The following DCLK1 variants were observed in gnomAD, a reference collection of about 807,000 sequenced individuals.
DCLK1 encodes the protein doublecortin like kinase 1.
A neutral mutation model predicts 86.2 loss-of-function variants in DCLK1; 16 were observed. The ratio of observed to expected loss-of-function variants is 0.19; its 90% CI spans 0.13 to 0.28. DCLK1 has a LOEUF of 0.28. Among genes scored for constraint, DCLK1 ranks in the 10% least tolerant of loss-of-function variants. The probability of loss-of-function intolerance (pLI) is 1.00; values close to 1 mark genes in which losing one functional copy is unlikely to be tolerated. For synonymous variants in DCLK1, 369 were observed against 370.5 expected (o/e 1.00, Z 0.05); for missense variants, 590 against 940.2 (o/e 0.63, Z 4.87).
intron 10 of DCLK1, among the ~76,000 whole-genome samples, 175 bp downstream of exon 10, chr13:35,827,460 A>C (rs1868570893): frequency 1.3e-5 from 2 of 152,190 alleles, no homozygotes; most frequent in African/African-American, 4.8e-5. Context: ...TCTTTGTGCC[A>C]AGGCTGGGAC....
intron 5 of DCLK1, among the ~76,000 whole-genome samples, chr13:35,860,492 T>C (rs942277257): frequency 3.3e-5 from 5 of 151,842 alleles, no homozygotes; most frequent in Non-Finnish European, 5.9e-5. Context: ...AGACAATGGG[T>C]CCAATTCAAA....
rs1882146604 is a variant in DCLK1, at chr13:36,028,738, A to G, written c.724-81281T>C. Among the ~76,000 whole-genome samples the G allele has an allele frequency of 2.0e-5, 3 of 152,344 alleles. No homozygotes were observed. The South Asian group carries it at 6.2e-4, about 32-fold the overall frequency. On this transcript the variant is annotated intron_variant, in intron 3 of 16. Coordinates refer to ENST00000360631, the MANE Select transcript of DCLK1 (RefSeq NM_001330071.2). ...CTTACTGATAAAACAGACTGTGATGAAGAAACCTGCCAAAACCCACCAAAA... is the reference window on the plus strand; with the variant it reads ...CTTACTGATAAAACAGACTGTGATGGAGAAACCTGCCAAAACCCACCAAAA...
At chr13:36,085,930 T>A (rs554094612) in intron 3 of DCLK1, among the ~76,000 whole-genome samples, 1 of 152,314 alleles carries the variant, frequency 6.6e-6, no homozygotes, top group African/African-American at 2.4e-5. Flanking sequence ...TGCATATTGC[T>A]TATTTTCAAT....
chr13:36,048,089 A>G (rs1248438843), intron 3 of DCLK1, among the ~76,000 whole-genome samples: 1 of 152,208 alleles, frequency 6.6e-6, no homozygotes, highest in African/African-American at 2.4e-5. Flanking sequence ...TAGTCATTCC[A>G]CAATGTATGC....
intron 10 of DCLK1, among the ~76,000 whole-genome samples, chr13:35,823,349 T>C (rs558896741): frequency 6.2e-4 from 81 of 130,746 alleles, no homozygotes; most frequent in African/African-American, 2.7e-3. Context: ...GTGAAATTAT[T>C]AGGATGCACA....
intron 4 of DCLK1, among the ~76,000 whole-genome samples, chr13:35,931,085 T>C (rs1341999306): frequency 6.6e-6 from 1 of 152,182 alleles, no homozygotes; most frequent in African/African-American, 2.4e-5. Flanking sequence ...CTCCCTTACG[T>C]TGTTTCCCAC....
chr13:35,907,425 A>T (rs1379514512), intron 4 of DCLK1, among the ~76,000 whole-genome samples: 1 of 151,964 alleles, frequency 6.6e-6, no homozygotes, highest in East Asian at 1.9e-4. Flanking sequence ...AGCCTTCCAA[A>T]GCGCTAGGAT....
At chr13:35,785,390 T>G (rs2086602826) in intron 16 of DCLK1, among the ~76,000 whole-genome samples, 3 of 152,048 alleles carry the variant, frequency 2.0e-5, no homozygotes, top group Non-Finnish European at 4.4e-5. Context: ...TGGTGGCTTC[T>G]TAGGTCAGGA....
intron 3 of DCLK1, among the ~76,000 whole-genome samples, chr13:36,006,134 T>G (rs903848277): frequency 6.6e-6 from 1 of 152,050 alleles, no homozygotes; most frequent in African/African-American, 2.4e-5. Flanking sequence ...TATACCTATG[T>G]AACAAACCTG....
intron 6 of DCLK1, chr13:35,846,551 G>A (rs764129952): frequency 1.2e-5 from 12 of 985,122 alleles, no homozygotes; most frequent in Non-Finnish European, 1.4e-5. Context: ...ATTATAGTGA[G>A]GGCCTCTGAT....
intron 4 of DCLK1, among the ~76,000 whole-genome samples, chr13:35,904,959 T>C (rs1476948186): frequency 1.3e-5 from 2 of 152,202 alleles, no homozygotes; most frequent in Non-Finnish European, 1.5e-5. Context: ...TGAAACTATC[T>C]GTGCACTTAA....
intron 4 of DCLK1, among the ~76,000 whole-genome samples, chr13:35,886,363 C>T (rs556748027): frequency 6.6e-5 from 10 of 152,222 alleles, no homozygotes; most frequent in South Asian, 2.1e-4. Flanking sequence ...CTTAAAAATA[C>T]GGCAGCCAAT....
At chr13:36,019,794 C>T (rs769057011) in intron 3 of DCLK1, among the ~76,000 whole-genome samples, 3 of 152,082 alleles carry the variant, frequency 2.0e-5, no homozygotes, top group Non-Finnish European at 2.9e-5. Flanking sequence ...TAAAAGACAG[C>T]GAAAGGCACA....
At chr13:35,888,473 C>T (rs537380383) in intron 4 of DCLK1, among the ~76,000 whole-genome samples, 9 of 152,342 alleles carry the variant, frequency 5.9e-5, no homozygotes, top group African/African-American at 1.9e-4. Flanking sequence ...ATTTGAAGAT[C>T]ACCTTTACAA....
chr13:35,806,185 A>G (rs1212738255), intron 14 of DCLK1, among the ~76,000 whole-genome samples: 2 of 152,188 alleles, frequency 1.3e-5, no homozygotes, highest in Admixed American at 1.3e-4. Context: ...AGCAGCTGAA[A>G]GGAAAAATGA....
At chr13:35,803,322 G>C in intron 15 of DCLK1, among the ~76,000 whole-genome samples, 1 of 152,138 alleles carries the variant, frequency 6.6e-6, no homozygotes, top group African/African-American at 2.4e-5. Flanking sequence ...CTTTTGCTTA[G>C]CACCCTGGGG....
intron 3 of DCLK1, among the ~76,000 whole-genome samples, chr13:36,041,291 G>A (rs979620682): frequency 2.0e-5 from 3 of 152,078 alleles, no homozygotes; most frequent in African/African-American, 7.2e-5. Context: ...TTGCTTATCT[G>A]TAACATTCCA....
chr13:35,864,337 G>A (rs370489655), intron 5 of DCLK1, among the ~76,000 whole-genome samples: 1 of 75,342 alleles, frequency 1.3e-5, no homozygotes, highest in East Asian at 3.5e-4. Context: ...AGGCCGAGGC[G>A]GGCGGATCAC....
chr13:36,049,261 GTGGCTGC>G (rs1345467117), intron 3 of DCLK1, among the ~76,000 whole-genome samples: 4 of 152,172 alleles, frequency 2.6e-5, no homozygotes, highest in African/African-American at 9.6e-5. Flanking sequence ...TCAAGTAAGT[GTGGCTGC>G]TTAAGAAACA....
Sources: allele counts gnomAD v4.1 joint callset (sites outside exome capture counted in the v4.1 genomes callset), GRCh38; gene constraint gnomAD v4.1.1; transcripts MANE v1.5; gene names NCBI Gene and HGNC (gene_info 2026-07-23, HGNC 2026-07-21).